The following FMR1NB variants were observed in gnomAD, a reference collection of about 807,000 sequenced individuals.
FMR1NB encodes the protein FMR1 neighbor.
Under a neutral mutation model 16.8 loss-of-function variants are expected in FMR1NB, and 10 were observed. That is an observed-to-expected ratio of 0.60 (90% CI 0.37 to 1.01). The LOEUF (loss-of-function observed/expected upper bound fraction) is 1.01, where lower values mean the gene tolerates loss of function less well. FMR1NB is among the 50% of genes least tolerant of loss of function. The pLI is 0.01. For missense variants in FMR1NB, 205 were observed against 204.8 expected, an observed-to-expected ratio of 1.00 and a Z score of 0.00; for synonymous variants, 83 against 79.1, an observed-to-expected ratio of 1.05 and a Z score of -0.26.
chrX:147,987,607 C>T (rs1557187204), intron 1 of FMR1NB, among the ~76,000 whole-genome samples: 1 of 111,213 alleles, frequency 9.0e-6, no homozygotes, highest in East Asian at 2.8e-4. Context: ...TTTTCTATCT[C>T]GTTGATCTGT....
chrX:148,017,830 A>T (rs1318951621), intron 4 of FMR1NB, among the ~76,000 whole-genome samples: 1 of 105,189 alleles, frequency 9.5e-6, no homozygotes, highest in African/African-American at 3.5e-5. Flanking sequence ...GAGAATGATG[A>T]TTTCCAATTT....
chrX:147,991,647 C>CTTTTTTTTTTTTTTTTTTTT (rs782065632), intron 1 of FMR1NB, among the ~76,000 whole-genome samples: 1 of 87,373 alleles, frequency 1.1e-5, no homozygotes, highest in African/African-American at 4.9e-5. Flanking sequence ...GGCCTTCCTT[C>CTTTTTTTTTTTTTTTTTTTT]TTTTTTTTTT....
At chrX:148,010,777 C>G (rs1557189551) in intron 4 of FMR1NB, among the ~76,000 whole-genome samples, 2 of 110,898 alleles carry the variant, frequency 1.8e-5, no homozygotes, top group African/African-American at 6.6e-5. Context: ...TTTTTTTGCT[C>G]TTTCATCATT....
intron 1 of FMR1NB, among the ~76,000 whole-genome samples, chrX:147,984,675 T>G (rs2044467648): frequency 8.9e-6 from 1 of 112,100 alleles, no homozygotes; most frequent in Admixed American, 9.5e-5. Flanking sequence ...TTTTACTTTT[T>G]ACTTTCCGAT....
chrX:148,019,790 C>A (rs996003812), intron 4 of FMR1NB, among the ~76,000 whole-genome samples: 18 of 111,938 alleles, frequency 1.6e-4, no homozygotes, highest in African/African-American at 5.9e-4. Context: ...CTGCCTGGAG[C>A]TTTGGGGTGA....
rs782373594 is a variant in FMR1NB, at chrX:148,000,118, A to G, written c.278-3083A>G. 2.3e-3 allele frequency among the ~76,000 whole-genome samples: 262 copies of G among 111,937 alleles called. 2 individuals carry two copies. Among genetic ancestry groups the G allele is most frequent in the Non-Finnish European group, 3.7e-3 (195 of 53,144 alleles). On this transcript the variant is annotated intron_variant, in intron 1 of 5. Coordinates refer to ENST00000370467, the MANE Select transcript of FMR1NB (RefSeq NM_152578.3). ...TGCTCTCATTAAAATGAGAAAGAAG[A>G]TATTATCATTGATATAAAGGAGATT...
chrX:148,014,651 ATTTTT>A (rs201777714), intron 4 of FMR1NB, among the ~76,000 whole-genome samples: 1 of 107,494 alleles, frequency 9.3e-6, no homozygotes, highest in African/African-American at 3.4e-5. Context: ...AAACTTGGGA[ATTTTT>A]TTTTTTAAGA....
At chrX:148,021,895 G>C (rs1315106173) in intron 4 of FMR1NB, among the ~76,000 whole-genome samples, 24 of 104,015 alleles carry the variant, frequency 2.3e-4, no homozygotes, top group African/African-American at 8.6e-4. Context: ...AACATCATCT[G>C]CTTTTTTTTT....
In FMR1NB at chrX:147,985,496, G is replaced by A. The variant is rs2044471742; in HGVS notation, c.277+3817G>A. Among the ~76,000 whole-genome samples, 3 of 110,301 alleles carry A rather than the reference G, an allele frequency of 2.7e-5. No individual in the cohort carries two copies. The South Asian group carries it at 1.2e-3, about 44-fold the overall frequency. ...CCCCAACCCCTCGACAGGCCCTGGT[G>A]TGTGATGCTCCCCTCCCTGTGTCCA... is the stretch of plus-strand genomic sequence containing the variant. On this transcript the variant is annotated intron_variant, in intron 1 of 5. Coordinates refer to ENST00000370467, the MANE Select transcript of FMR1NB (RefSeq NM_152578.3).
chrX:147,986,562 T>C (rs1557187110), intron 1 of FMR1NB, among the ~76,000 whole-genome samples: 2 of 112,133 alleles, frequency 1.8e-5, no homozygotes, highest in African/African-American at 6.5e-5. Flanking sequence ...CCCAACACCA[T>C]TTATTAAATA....
At chrX:148,020,850 G>A (rs1323785771) in intron 4 of FMR1NB, among the ~76,000 whole-genome samples, 1 of 112,106 alleles carries the variant, frequency 8.9e-6, no homozygotes, top group Non-Finnish European at 1.9e-5. Flanking sequence ...TTTGCAGCCT[G>A]GAGTTAGGGG....
At chrX:147,995,256 A>G (rs1474856699) in intron 1 of FMR1NB, among the ~76,000 whole-genome samples, 1 of 112,189 alleles carries the variant, frequency 8.9e-6, no homozygotes, top group Non-Finnish European at 1.9e-5. Flanking sequence ...GCCCTAGGAA[A>G]CTAATATACA....
chrX:147,991,947 A>G (rs1307071816), intron 1 of FMR1NB, among the ~76,000 whole-genome samples: 1 of 110,345 alleles, frequency 9.1e-6, no homozygotes, highest in Non-Finnish European at 1.9e-5. Flanking sequence ...TGGACACAGC[A>G]CATGTTTCAG....
intron 1 of FMR1NB, among the ~76,000 whole-genome samples, chrX:147,988,192 T>G (rs886205201): frequency 8.9e-5 from 10 of 111,902 alleles, no homozygotes. Context: ...GGTACTCTTG[T>G]AAGGCAGGCC....
At position 148,024,919 on chromosome X, in the gene FMR1NB, G is replaced by C. The variant is rs781911495; in HGVS notation, c.687G>C (p.Lys229Asn). The C allele has an allele frequency of 1.7e-6, 2 of 1,209,389 alleles. No homozygotes were observed. The highest frequency in any genetic ancestry group is 3.5e-5 in the African/African-American group (2 of 57,163). ...RQDNRVVTGL[K>N]KQRRKRKRKS... The stretch of plus-strand genomic sequence containing the variant: ...ACAACAGAGTTGTAACGGGTTTGAA[G>C]AAACAAAGAAGGAAGCGAAAGAGGA... The change falls in exon 5 of 6, where the codon AAG becomes AAC. Residue 229 changes from lysine to asparagine, a missense_variant. Coordinates refer to ENST00000370467, the MANE Select transcript of FMR1NB (RefSeq NM_152578.3).
intron 3 of FMR1NB, among the ~76,000 whole-genome samples, chrX:148,007,043 G>A (rs2044600359): frequency 1.8e-5 from 2 of 111,593 alleles, no homozygotes; most frequent in Admixed American, 1.9e-4. Context: ...GGTGACTTTG[G>A]TAATACAAAA....
intron 1 of FMR1NB, among the ~76,000 whole-genome samples, chrX:147,982,567 C>T (rs1380831268): frequency 2.0e-3 from 162 of 81,800 alleles, no homozygotes; most frequent in Middle Eastern, 9.3e-3. Context: ...CCAGCCTGGG[C>T]GACAGAGCGA....
chrX:147,998,925 C>G (rs1251866044), intron 1 of FMR1NB, among the ~76,000 whole-genome samples: 1 of 112,029 alleles, frequency 8.9e-6, no homozygotes, highest in African/African-American at 3.2e-5. Flanking sequence ...TGTTGCTCAT[C>G]TTAGTTAAGA....
chrX:147,986,527 T>C (rs1344700756), intron 1 of FMR1NB, among the ~76,000 whole-genome samples: 1 of 112,256 alleles, frequency 8.9e-6, no homozygotes, highest in Non-Finnish European at 1.9e-5. Flanking sequence ...CAGTTTCTGC[T>C]TCCTGCATAT....
Sources: allele counts gnomAD v4.1 joint callset (sites outside exome capture counted in the v4.1 genomes callset), GRCh38; gene constraint gnomAD v4.1.1; transcripts MANE v1.5; gene names NCBI Gene and HGNC (gene_info 2026-07-23, HGNC 2026-07-21).